Variants in GALNT11 observed in about 807,000 individuals in gnomAD.
GALNT11 encodes polypeptide N-acetylgalactosaminyltransferase 11.
In GALNT11, 47 loss-of-function variants were observed where a neutral mutation model predicts 72.7. That is an observed-to-expected ratio of 0.65 (90% CI 0.51 to 0.82). The LOEUF (loss-of-function observed/expected upper bound fraction) is 0.82, where lower values mean the gene tolerates loss of function less well. GALNT11 is among the 40% of genes least tolerant of loss of function. GALNT11 has a pLI of 0.00. For missense variants in GALNT11, 677 were observed against 778.4 expected, an observed-to-expected ratio of 0.87 and a Z score of 1.55; for synonymous variants, 270 against 286.6, an observed-to-expected ratio of 0.94 and a Z score of 0.58.
chr7:152,119,497 G>C (rs2089221203), intron 10 of GALNT11: 1 of 152,240 alleles, frequency 6.6e-6, no homozygotes, highest in Admixed American at 6.5e-5. Context: ...TGTGATGTGT[G>C]CTGTGAGATG....
intron 1 of GALNT11, among the ~76,000 whole-genome samples, chr7:152,062,351 T>G (rs182843861): frequency 6.6e-6 from 1 of 152,348 alleles, no homozygotes; most frequent in East Asian, 1.9e-4. Flanking sequence ...CTTATCAGCT[T>G]AAGGAGATTT....
At chr7:152,099,276 C>G (rs2086599735) in intron 2 of GALNT11, among the ~76,000 whole-genome samples, 1 of 151,962 alleles carries the variant, frequency 6.6e-6, no homozygotes, top group Non-Finnish European at 1.5e-5. Context: ...ACCCTTTACA[C>G]CTGGATATTC....
chr7:152,087,334 GTCA>G (rs1242935157), intron 1 of GALNT11, among the ~76,000 whole-genome samples: 1 of 152,210 alleles, frequency 6.6e-6, no homozygotes, highest in Non-Finnish European at 1.5e-5. Context: ...AGTGAAAGAA[GTCA>G]TCATGAAATT....
At chr7:152,084,633 A>G (rs904578754) in intron 1 of GALNT11, among the ~76,000 whole-genome samples, 1 of 152,100 alleles carries the variant, frequency 6.6e-6, no homozygotes, top group Non-Finnish European at 1.5e-5. Flanking sequence ...ATAAGCATTC[A>G]TTTCCGAGGA....
At chr7:152,114,532 A>G (rs1587474181) in intron 8 of GALNT11, among the ~76,000 whole-genome samples, 1 of 150,346 alleles carries the variant, frequency 6.7e-6, no homozygotes, top group South Asian at 2.1e-4. Context: ...TACTTTATCC[A>G]CCAGCTGATC....
chr7:152,044,284 G>T (rs2083011642), intron 1 of GALNT11, among the ~76,000 whole-genome samples: 1 of 152,202 alleles, frequency 6.6e-6, no homozygotes, highest in Non-Finnish European at 1.5e-5. Context: ...ATGGGCTCTG[G>T]CTGGTTACCT....
chr7:152,103,945 C>T (rs1334209270), intron 4 of GALNT11: 1 of 152,292 alleles, frequency 6.6e-6, no homozygotes, highest in African/African-American at 2.4e-5. Flanking sequence ...TTACACTGAT[C>T]GTCCCCAGAT....
At chr7:152,037,116 G>GTCCAT (rs2082617889) in intron 1 of GALNT11, among the ~76,000 whole-genome samples, 1 of 152,080 alleles carries the variant, frequency 6.6e-6, no homozygotes, top group Non-Finnish European at 1.5e-5. Flanking sequence ...ATGCTGTGGT[G>GTCCAT]GGGTATTACT....
rs141152865 is a variant in GALNT11 at position 152,047,687 on chromosome 7, CGTGT to C, written c.-39+21823_-39+21826del. The stretch of plus-strand genomic sequence containing the variant: ...ACTCTAGCCTGGTCAACAGTGACAC[CGTGT>C]GTGTGTGTGTGTGTGTGTGCGCACA... On this transcript the variant is annotated intron_variant, in intron 1 of 11. Transcript: ENST00000430044. Among the ~76,000 whole-genome samples the C allele has an allele frequency of 1.7e-3, 256 of 147,084 alleles. 2 individuals carry two copies. The highest frequency in any genetic ancestry group is 5.6e-3 in the African/African-American group (226 of 40,230).
In GALNT11 at chr7:152,089,223, C is replaced by G. The variant is rs191770362; in HGVS notation, c.-38-4967C>G. Among the ~76,000 whole-genome samples, 10 of 152,198 alleles carry G rather than the reference C, an allele frequency of 6.6e-5. No individual in the cohort carries two copies. In the East Asian group the frequency reaches 1.7e-3, roughly 26 times the overall value. On this transcript the variant is annotated intron_variant, in intron 1 of 11. Transcript: ENST00000430044. Reference sequence around the variant, plus strand: ...CAGTCTTTGTGCACAGAGTTCACCTCTGGGACCAGTTGAGTCATGAGTCAC... The same window carrying G: ...CAGTCTTTGTGCACAGAGTTCACCTGTGGGACCAGTTGAGTCATGAGTCAC...
At chr7:152,031,193 G>A (rs1012388629) in intron 1 of GALNT11, among the ~76,000 whole-genome samples, 14 of 152,288 alleles carry the variant, frequency 9.2e-5, no homozygotes, top group South Asian at 6.2e-4. Context: ...GTACGGTTAC[G>A]TCACTAACTA....
intron 1 of GALNT11, among the ~76,000 whole-genome samples, chr7:152,070,248 G>T (rs2084556993): frequency 6.6e-6 from 1 of 152,012 alleles, no homozygotes; most frequent in Admixed American, 6.5e-5. Context: ...CGCTTGCTTT[G>T]TCCTCCCAAA....
intron 1 of GALNT11, among the ~76,000 whole-genome samples, chr7:152,061,480 T>G (rs1198712300): frequency 7.2e-5 from 11 of 152,226 alleles, no homozygotes; most frequent in Non-Finnish European, 5.9e-5. Flanking sequence ...TTAGTTTAAT[T>G]AGATCCCATT....
chr7:152,043,132 A>G (rs892766414), intron 1 of GALNT11, among the ~76,000 whole-genome samples: 13 of 152,190 alleles, frequency 8.5e-5, no homozygotes, highest in Middle Eastern at 3.2e-3. Context: ...GAGCTGTGCT[A>G]TATGGTCTCC....
chr7:152,081,110 A>T (rs1401400731), intron 1 of GALNT11, among the ~76,000 whole-genome samples: 1 of 152,236 alleles, frequency 6.6e-6, no homozygotes, highest in African/African-American at 2.4e-5. Flanking sequence ...TAAATCATTC[A>T]GAAATGATTT....
chr7:152,055,899 T>C (rs2083652445), intron 1 of GALNT11, among the ~76,000 whole-genome samples: 1 of 152,102 alleles, frequency 6.6e-6, no homozygotes, highest in East Asian at 1.9e-4. Flanking sequence ...CTTTACCTAA[T>C]TTCCCCCAAT....
chr7:152,038,760 T>C (rs1446791993), intron 1 of GALNT11, among the ~76,000 whole-genome samples: 2 of 152,194 alleles, frequency 1.3e-5, no homozygotes, highest in African/African-American at 4.8e-5. Flanking sequence ...ATCACAGAGC[T>C]TCCAAGTGTT....
intron 8 of GALNT11, among the ~76,000 whole-genome samples, chr7:152,116,238 T>C (rs73478975): frequency 0.045 from 6,803 of 152,164 alleles, 262 homozygotes; most frequent in East Asian, 0.2. Flanking sequence ...GACCAGGAGA[T>C]ATTATTTAAC....
chr7:152,091,272 G>A (rs6957542), intron 1 of GALNT11, among the ~76,000 whole-genome samples: 4,476 of 149,718 alleles, frequency 0.03, 202 homozygotes, highest in African/African-American at 0.1. Context: ...TCGGAGTCTC[G>A]CATTGTCACC....
Sources: gnomAD v4.1 joint callset for allele counts (sites outside exome capture counted in the v4.1 genomes callset) on GRCh38, gnomAD v4.1.1 for gene constraint, MANE v1.5 for transcripts, NCBI Gene and HGNC (gene_info 2026-07-23, HGNC 2026-07-21) for gene names.